Variants in SLC23A2 observed in about 807,000 individuals in gnomAD.
SLC23A2 encodes the protein solute carrier family 23 member 2.
A neutral mutation model predicts 73.3 loss-of-function variants in SLC23A2; 36 were observed. The observed-to-expected ratio is 0.49, with a 90% CI of 0.38 to 0.65. The LOEUF is 0.65. SLC23A2 is among the 30% of genes least tolerant of loss of function. The pLI, the probability that SLC23A2 is intolerant of heterozygous loss-of-function variation, is 0.00. For synonymous variants in SLC23A2, 343 were observed against 327.3 expected (o/e 1.05, Z -0.52); for missense variants, 507 against 841.6 (o/e 0.60, Z 4.92).
chr20:4,883,676 C>G lies in SLC23A2; in HGVS notation c.790G>C (p.Glu264Gln). The change falls in exon 9 of 17, where the codon GAG becomes CAG. Residue 264 changes from glutamate to glutamine, a missense_variant. By Grantham distance (29) the Glu-to-Gln change is conservative (BLOSUM62 2). Transcript: ENST00000338244. The surrounding 1 kb of genome is among the most constrained non-coding windows in gnomAD (Gnocchi z 4.5). ...IGLSGFQAAGERAGKHWGIAM... is the reference protein window; with the variant it reads ...IGLSGFQAAGQRAGKHWGIAM... ...ATGCCCCAGTGCTTCCCGGCTCTCT[C>G]CCCCGCTGCCTGGAAACCAGAGAGG... 2 of 1,613,258 alleles carry G rather than the reference C, an allele frequency of 1.2e-6. No homozygotes were observed. The highest frequency in any genetic ancestry group is 1.7e-6 in the Non-Finnish European group (2 of 1,179,532).
chr20:4,900,078 C>T (rs749851111), intron 5 of SLC23A2, among the ~76,000 whole-genome samples: 1 of 152,026 alleles, frequency 6.6e-6, no homozygotes, highest in Non-Finnish European at 1.5e-5. Flanking sequence ...ACCGTGTTGG[C>T]AAAGCTGGTG....
At chr20:4,995,149 GA>G (rs1207224291) in intron 1 of SLC23A2, among the ~76,000 whole-genome samples, 1 of 152,060 alleles carries the variant, frequency 6.6e-6, no homozygotes, top group East Asian at 1.9e-4. Flanking sequence ...TTGAACAAAG[GA>G]AAGCCAGTGG....
chr20:4,883,391 T>C lies in SLC23A2; in HGVS notation c.824+251A>G, dbSNP rs1568608581. 6.6e-6 allele frequency among the ~76,000 whole-genome samples: 1 copy of C among 152,136 alleles called. No homozygotes were observed. The highest frequency in any genetic ancestry group is 1.5e-5 in the Non-Finnish European group (1 of 68,022). Reference sequence around the variant, plus strand: ...AAATGGCGCCACTACCTTACCCCACTACCAAAGCTTAAAAACTTACAATCC... The same window carrying C: ...AAATGGCGCCACTACCTTACCCCACCACCAAAGCTTAAAAACTTACAATCC... On this transcript the variant is annotated intron_variant, in intron 9 of 16. Coordinates refer to ENST00000338244, the MANE Select transcript of SLC23A2 (RefSeq NM_005116.6). The surrounding 1 kb of genome is among the most constrained non-coding windows in gnomAD (Gnocchi z 4.5).
intron 3 of SLC23A2, among the ~76,000 whole-genome samples, chr20:4,916,563 A>G (rs542038896): frequency 6.6e-6 from 1 of 152,298 alleles, no homozygotes; most frequent in Admixed American, 6.5e-5. Flanking sequence ...AAAAAAAATC[A>G]TCTGTATACA....
At chr20:4,859,245 AAAAAAT>A (rs1453471661) in intron 16 of SLC23A2, 38 bp downstream of exon 16, 5 of 1,178,636 alleles carry the variant, frequency 4.2e-6, no homozygotes, top group South Asian at 2.7e-5. Flanking sequence ...CACATATGTT[AAAAAAT>A]AAAAAAAAAA....
chr20:4,884,679 T>G, intron 8 of SLC23A2, 74 bp downstream of exon 8: 3 of 967,252 alleles, frequency 3.1e-6, no homozygotes, highest in Non-Finnish European at 5.0e-6. Flanking sequence ...GTAACTGCTA[T>G]TTCTTGGGTC....
rs1930004005 is a variant in SLC23A2, at chr20:4,862,431, A to G, written c.1487-346T>C. 6.6e-6 allele frequency among the ~76,000 whole-genome samples: 1 copy of G among 152,224 alleles called. No individual in the cohort carries two copies. Among genetic ancestry groups the G allele is most frequent in the Admixed American group, 6.5e-5 (1 of 15,288 alleles). On this transcript the variant is annotated intron_variant, in intron 14 of 16. Transcript: ENST00000338244. This position sits in a 1 kb window ranked among gnomAD's most constrained non-coding sequence, Gnocchi z 5.1. ...TATCTGGTGCATGTCTCTGGTTATT[A>G]CAGCTAAATGGTGCAGAGATCAAAC...
At chr20:4,904,933 G>A (rs1931881522) in intron 4 of SLC23A2, among the ~76,000 whole-genome samples, 1 of 152,176 alleles carries the variant, frequency 6.6e-6, no homozygotes, top group East Asian at 1.9e-4. Flanking sequence ...AGCCAACATG[G>A]TGAAACCCTG....
At chr20:4,999,710 A>G (rs745950573) in intron 1 of SLC23A2, among the ~76,000 whole-genome samples, 11 of 152,140 alleles carry the variant, frequency 7.2e-5, no homozygotes, top group Non-Finnish European at 1.5e-4. Context: ...TTCAATAGGC[A>G]TTTTTTAAAC....
chr20:4,926,432 C>A (rs1932670948), intron 3 of SLC23A2, among the ~76,000 whole-genome samples: 1 of 151,264 alleles, frequency 6.6e-6, no homozygotes, highest in Non-Finnish European at 1.5e-5. Flanking sequence ...AACACACAGC[C>A]TTTTTCTGGC....
At chr20:4,970,570 G>A (rs1017301591) in intron 2 of SLC23A2, among the ~76,000 whole-genome samples, 1 of 151,162 alleles carries the variant, frequency 6.6e-6, no homozygotes, top group African/African-American at 2.4e-5. Flanking sequence ...CCATCTCTAA[G>A]AAAAAAAAAT....
At chr20:5,009,306 C>A (rs1600227342) in intron 1 of SLC23A2, among the ~76,000 whole-genome samples, 1 of 152,064 alleles carries the variant, frequency 6.6e-6, no homozygotes, top group Non-Finnish European at 1.5e-5. Context: ...GTTGTCCCTG[C>A]AAAAGCTCCT....
At chr20:4,949,654 C>A (rs1453423764) in intron 2 of SLC23A2, among the ~76,000 whole-genome samples, 1 of 152,120 alleles carries the variant, frequency 6.6e-6, no homozygotes, top group Non-Finnish European at 1.5e-5. Context: ...CACACACACA[C>A]AGGCGCGCAC....
chr20:4,891,185 TGAG>T (rs1430939035), intron 6 of SLC23A2, among the ~76,000 whole-genome samples: 1 of 151,674 alleles, frequency 6.6e-6, no homozygotes, highest in Non-Finnish European at 1.5e-5. Flanking sequence ...CAGAAGGCCA[TGAG>T]GAGGAGGATG....
At chr20:4,861,582 ATAG>A (rs1279042049) in intron 15 of SLC23A2, among the ~76,000 whole-genome samples, 6 of 152,212 alleles carry the variant, frequency 3.9e-5, no homozygotes, top group South Asian at 2.1e-4. Context: ...TAGACATCAA[ATAG>A]TAGAATAACG....
chr20:4,874,041 T>C lies in SLC23A2; in HGVS notation c.997A>G (p.Thr333Ala). The C allele has an allele frequency of 6.2e-7, 1 of 1,614,082 alleles. No individual in the cohort carries two copies. Among genetic ancestry groups the C allele is most frequent in the Non-Finnish European group, 8.5e-7 (1 of 1,179,982 alleles). Residue 333 changes from threonine to alanine, a missense_variant, in exon 11 of 17, where the codon ACA becomes GCA. Thr to Ala is a moderately conservative substitution (Grantham distance 58, BLOSUM62 0). Coordinates refer to ENST00000338244, the MANE Select transcript of SLC23A2 (RefSeq NM_005116.6). ...SWLLCFIFTV[T>A]DVFPPDSTKY... ...GTGCTGTCGGGAGGGAAGACATCTG[T>C]CACCGTGAAGATGAAGCAGAGCAGC...
Position 4,862,770 on chromosome 20 carries a change from A to C in SLC23A2, c.1486+8T>G, listed in dbSNP as rs367687251. The C allele has an allele frequency of 1.9e-6, 3 of 1,606,094 alleles. No individual in the cohort carries two copies. Among genetic ancestry groups the C allele is most frequent in the Non-Finnish European group, 2.6e-6 (3 of 1,174,048 alleles). ...AGTAAAGGAAAAAGCCAGAGAGGGG[A>C]GTCTTACCAAAGAGCGTGCAGAACA... On this transcript the variant is annotated splice_region_variant and intron_variant, in intron 14 of 16. Transcript: ENST00000338244. This position sits in a 1 kb window ranked among gnomAD's most constrained non-coding sequence, Gnocchi z 5.1.
chr20:4,987,731 C>A (rs1158111000), intron 1 of SLC23A2, among the ~76,000 whole-genome samples: 1 of 151,798 alleles, frequency 6.6e-6, no homozygotes, highest in Non-Finnish European at 1.5e-5. Context: ...GCCTGTAGTC[C>A]CAGCTACTCG....
chr20:4,981,542 C>T (rs1341239788), intron 1 of SLC23A2, among the ~76,000 whole-genome samples: 1 of 152,094 alleles, frequency 6.6e-6, no homozygotes, highest in African/African-American at 2.4e-5. Flanking sequence ...TTAAAGTTTC[C>T]CAGGTGATCG....
Sources: gnomAD v4.1 joint callset for allele counts (sites outside exome capture counted in the v4.1 genomes callset) on GRCh38, gnomAD v4.1.1 for gene constraint, Gnocchi (gnomAD v3.1) non-coding constraint, MANE v1.5 for transcripts, NCBI Gene and HGNC (gene_info 2026-07-23, HGNC 2026-07-21) for gene names.